TNS1: variants seen among roughly 807,000 people sequenced by gnomAD.
The protein encoded by TNS1 is tensin 1, also known as tensin-1.
TNS1 carries 62 observed loss-of-function variants against 168.6 expected under a neutral mutation model. The ratio of observed to expected loss-of-function variants is 0.37; its 90% CI spans 0.30 to 0.45. The LOEUF is 0.45. TNS1 is among the 20% of genes least tolerant of loss of function. The pLI, the probability that TNS1 is intolerant of heterozygous loss-of-function variation, is 1.00. For synonymous variants in TNS1, 934 were observed against 933.2 expected, an observed-to-expected ratio of 1.00 and a Z score of -0.02; for missense variants, 2,240 against 2,339.4, an observed-to-expected ratio of 0.96 and a Z score of 0.88.
chr2:217,993,567 G>A (rs1000139702), intron 1 of TNS1, among the ~76,000 whole-genome samples: 4 of 152,164 alleles, frequency 2.6e-5, no homozygotes, highest in Admixed American at 6.5e-5. Flanking sequence ...TAAACGTCTT[G>A]GAATCTCCGA....
intron 3 of TNS1, among the ~76,000 whole-genome samples, chr2:217,954,751 C>T (rs1315129581): frequency 6.6e-6 from 1 of 152,208 alleles, no homozygotes; most frequent in African/African-American, 2.4e-5. Context: ...ACCTCTCCTT[C>T]CACCATCCAG....
chr2:217,970,553 A>C (rs781428543), intron 3 of TNS1, among the ~76,000 whole-genome samples: 33 of 152,248 alleles, frequency 2.2e-4, no homozygotes, highest in Non-Finnish European at 4.1e-4. Context: ...ATATAATGGA[A>C]TATTACTCAA....
At chr2:217,865,658 C>T (rs187398534) in intron 18 of TNS1, among the ~76,000 whole-genome samples, 1 of 152,176 alleles carries the variant, frequency 6.6e-6, no homozygotes, top group Non-Finnish European at 1.5e-5. Context: ...CTGAAGCTCC[C>T]CACATCCATC....
At chr2:217,858,701 C>CACACACACACACACACACACA (rs1553571527) in intron 18 of TNS1, 1 of 192,114 alleles carries the variant, frequency 5.2e-6, no homozygotes, top group African/African-American at 2.6e-5. Context: ...CACACACACA[C>CACACACACACACACACACACA]CCCACTCCCT....
chr2:218,026,066 C>T (rs1958847806), intron 1 of TNS1, among the ~76,000 whole-genome samples: 1 of 152,230 alleles, frequency 6.6e-6, no homozygotes, highest in Non-Finnish European at 1.5e-5. Context: ...TCAGTCCCAT[C>T]TTGTTTCTCA....
chr2:217,823,488 C>T (rs1172907017), intron 22 of TNS1, among the ~76,000 whole-genome samples: 2 of 152,202 alleles, frequency 1.3e-5, no homozygotes, highest in African/African-American at 4.8e-5. Flanking sequence ...GTGCTTCCAG[C>T]CTTTGCTGCA....
At chr2:217,895,256 C>T (rs983181637) in intron 8 of TNS1, among the ~76,000 whole-genome samples, 200 bp from the exon 9 acceptor site, 1 of 152,182 alleles carries the variant, frequency 6.6e-6, no homozygotes. Context: ...CCATGAGCTC[C>T]CTGGACCTCC....
intron 3 of TNS1, among the ~76,000 whole-genome samples, chr2:217,961,233 T>TCA (rs1329546854): frequency 7.8e-5 from 10 of 128,316 alleles, no homozygotes; most frequent in South Asian, 2.3e-4. Flanking sequence ...TCTCTCTCTC[T>TCA]CTCACACACA....
chr2:217,898,448 C>T (rs889966992), intron 7 of TNS1, among the ~76,000 whole-genome samples: 7 of 152,210 alleles, frequency 4.6e-5, no homozygotes, highest in Non-Finnish European at 8.8e-5. Context: ...TCCCACTGCC[C>T]GCCCCTAGCT....
chr2:217,996,171 A>G (rs958303362), intron 1 of TNS1, among the ~76,000 whole-genome samples: 2 of 152,164 alleles, frequency 1.3e-5, no homozygotes, highest in Non-Finnish European at 2.9e-5. Context: ...AAACTCCCTC[A>G]GCGCTGCCTC....
chr2:217,809,480 GATGGATGGATGCATGGATGGATGC>G (rs1940265872), intron 30 of TNS1, among the ~76,000 whole-genome samples: 1 of 28,866 alleles, frequency 3.5e-5, no homozygotes, highest in African/African-American at 2.0e-4. Flanking sequence ...TGGATGGATG[GATGGATGGATGCATGGATGGATGC>G]ATGGATGGAT....
At chr2:218,031,328 C>A (rs1160433728) in intron 1 of TNS1, among the ~76,000 whole-genome samples, 3 of 133,772 alleles carry the variant, frequency 2.2e-5, no homozygotes, top group Non-Finnish European at 3.1e-5. Flanking sequence ...GGTGTGTGAG[C>A]ATGTCTGTGT....
At chr2:218,010,247 C>G (rs1351474370) in exon 1 of TNS1, 1 of 398,664 alleles carries the variant, frequency 2.5e-6, no homozygotes, top group Non-Finnish European at 4.4e-6. Flanking sequence ...GAGGTGGACC[C>G]GCCGCTCCTG....
upstream of TNS1, among the ~76,000 whole-genome samples, chr2:218,006,234 G>GT (rs1958655910): frequency 2.6e-5 from 4 of 152,348 alleles, no homozygotes; most frequent in Non-Finnish European, 5.9e-5. Flanking sequence ...CAGAAGGAAG[G>GT]GTGAGTGTGG....
chr2:217,897,922 A>C lies in TNS1; in HGVS notation c.419T>G (p.Leu140Arg), dbSNP rs776272908. The C allele has an allele frequency of 6.2e-7, 1 of 1,612,960 alleles. No homozygotes were observed. The highest frequency in any genetic ancestry group is 8.5e-7 in the Non-Finnish European group (1 of 1,179,438). Residue 140 changes from leucine (L) to arginine (R), a missense_variant, in exon 8 of 33, where the codon CTG becomes CGG. This residue lies in a region of TNS1 where 2,131 missense variants were observed against 2,171.2 expected (regional missense o/e 0.98). Transcript: ENST00000682258. Reference protein sequence around the residue: ...RTMEDSCELDLVYVTERIIAV... With the variant: ...RTMEDSCELDRVYVTERIIAV... ...GATGATCCTCTCTGTGACGTACACC[A>C]GGTCCAGCTCACAGCTGTCCTCCAT...
At position 217,812,056 on chromosome 2, in the gene TNS1, C is replaced by T. The variant is rs145552025; in HGVS notation, c.5032+312G>A. ...TCATCCTCCAGGACATGTCTCCTGT[C>T]CCCTACTTCTGTCTCCTGTCATCCC... On this transcript the variant is annotated intron_variant, in intron 28 of 32. Coordinates refer to ENST00000682258, the MANE Select transcript of TNS1 (RefSeq NM_001387777.1). 7.4e-3 allele frequency among the ~76,000 whole-genome samples: 1,132 copies of T among 152,304 alleles called. 7 individuals carry two copies. The highest frequency in any genetic ancestry group is 0.011 in the Non-Finnish European group (731 of 68,026).
chr2:217,833,824 TG>T (rs1944802809), intron 21 of TNS1, among the ~76,000 whole-genome samples: 1 of 152,268 alleles, frequency 6.6e-6, no homozygotes, highest in South Asian at 2.1e-4. Context: ...TTTTTTACAT[TG>T]ATTATACGTT....
chr2:218,015,027 T>G (rs796518224), upstream of TNS1, among the ~76,000 whole-genome samples: 3 of 152,266 alleles, frequency 2.0e-5, no homozygotes, highest in African/African-American at 7.2e-5. Flanking sequence ...AATTGCCATT[T>G]TCAGGGTTTT....
In TNS1 at chr2:217,804,618, G is replaced by C; in HGVS notation, c.5376-15C>G. The C allele has an allele frequency of 6.2e-7, 1 of 1,613,726 alleles. No individual in the cohort carries two copies. The highest frequency in any genetic ancestry group is 8.5e-7 in the Non-Finnish European group (1 of 1,179,762). ...AGCCGAAGAGCCTGCAGGCGGGAGA[G>C]GGCAACGGGCATGAGGGAAGGGCAA... is the stretch of plus-strand genomic sequence containing the variant. On this transcript the variant is annotated splice_polypyrimidine_tract_variant and intron_variant, in intron 32 of 32. Transcript: ENST00000682258.
Sources: allele counts gnomAD v4.1 joint callset (sites outside exome capture counted in the v4.1 genomes callset), GRCh38; gene constraint gnomAD v4.1.1; regional missense constraint gnomAD v4.1.1; transcripts MANE v1.5; gene names NCBI Gene and HGNC (gene_info 2026-07-23, HGNC 2026-07-21).